The following ARHGEF4 variants were observed in gnomAD, a reference collection of about 807,000 sequenced individuals.
The protein encoded by ARHGEF4 is APC-stimulated guanine nucleotide exchange factor 1.
ARHGEF4 carries 119 observed loss-of-function variants against 162.0 expected under a neutral mutation model. The ratio of observed to expected loss-of-function variants is 0.73; its 90% CI spans 0.63 to 0.86. The LOEUF (loss-of-function observed/expected upper bound fraction) is 0.86. Ranked by LOEUF, ARHGEF4 falls within the 40% of genes least tolerant of loss-of-function variation. ARHGEF4 has a pLI of 0.00. For missense variants in ARHGEF4, 2,488 were observed against 2,456.0 expected (o/e 1.01, Z -0.28); for synonymous variants, 1,014 against 979.9 (o/e 1.03, Z -0.65).
chr2:131,043,692 G>T, intron 11 of ARHGEF4, 109 bp downstream of exon 11: 1 of 1,527,390 alleles, frequency 6.5e-7, no homozygotes. Context: ...ACCATACCCG[G>T]GGAGCCTGGC....
Position 131,046,286 on chromosome 2 carries a change from C to A in ARHGEF4, c.*97C>A. The A allele has an allele frequency of 2.3e-6, 3 of 1,300,360 alleles. No homozygotes were observed. Among genetic ancestry groups the A allele is most frequent in the Non-Finnish European group, 3.2e-6 (3 of 943,580 alleles). The allele number at this position is 1,300,360 out of a possible 1,614,324, so 80.6% of individuals were successfully genotyped here. The stretch of plus-strand genomic sequence containing the variant: ...ACTCGGCCTGGCCTTCCTCTGCCTG[C>A]AAGTGAGCAGGGATGGGCTGGGGAG... On this transcript the variant is annotated 3_prime_UTR_variant, in exon 14 of 14. Transcript: ENST00000409359.
At chr2:130,869,349 C>T (rs931754385) in intron 1 of ARHGEF4, among the ~76,000 whole-genome samples, 3 of 152,078 alleles carry the variant, frequency 2.0e-5, no homozygotes, top group Admixed American at 1.3e-4. Context: ...AACTTGGAGC[C>T]GGATAGATGT....
chr2:130,958,437 T>G (rs1340209310), intron 4 of ARHGEF4, among the ~76,000 whole-genome samples: 2 of 151,532 alleles, frequency 1.3e-5, no homozygotes, highest in African/African-American at 4.9e-5. Context: ...GGCAACGCAG[T>G]CTTGCTCTGT....
At chr2:130,971,656 A>AG (rs1030133071) in intron 4 of ARHGEF4, among the ~76,000 whole-genome samples, 2 of 7,284 alleles carry the variant, frequency 2.7e-4, no homozygotes, top group Non-Finnish European at 1.1e-3. Context: ...AGACTGTCTC[A>AG]AAAAAAAAAA....
chr2:131,015,883 C>A (rs577150049), intron 4 of ARHGEF4, among the ~76,000 whole-genome samples: 2 of 152,314 alleles, frequency 1.3e-5, no homozygotes, highest in South Asian at 4.1e-4. Flanking sequence ...TTGTTCATGT[C>A]GCAAGGATGA....
intron 4 of ARHGEF4, among the ~76,000 whole-genome samples, chr2:130,975,558 C>T (rs1214003352): frequency 6.6e-6 from 1 of 152,198 alleles, no homozygotes; most frequent in East Asian, 1.9e-4. Context: ...CCCCACTTTG[C>T]CTTGCCTTTC....
Position 131,041,431 on chromosome 2 carries a change from G to A in ARHGEF4, c.4864G>A (p.Glu1622Lys), listed in dbSNP as rs147815683. 4 of 1,612,886 alleles carry A rather than the reference G, an allele frequency of 2.5e-6. No homozygotes were observed. Among genetic ancestry groups the A allele is most frequent in the African/African-American group, 2.7e-5 (2 of 74,928 alleles). The change falls in exon 9 of 14, where the codon GAG becomes AAG. Residue 1622 changes from glutamate to lysine, a missense_variant. Physicochemically the swap from Glu to Lys is moderately conservative, Grantham distance 56. This residue lies in a region of ARHGEF4 where 415 missense variants were observed against 512.4 expected (regional missense o/e 0.81). Coordinates refer to ENST00000409359, the MANE Select transcript of ARHGEF4 (RefSeq NM_001367493.1). ...CTGCAAGTACCCTCTGCAGCTGGCC[G>A]AGCTGCTCAAATACACGCACCCCCA... ...KICKYPLQLA[E>K]LLKYTHPQHR...
At chr2:131,042,100 G>A (rs947198820) in intron 10 of ARHGEF4, among the ~76,000 whole-genome samples, 156 bp downstream of exon 10, 4 of 152,250 alleles carry the variant, frequency 2.6e-5, no homozygotes, top group East Asian at 1.9e-4. Flanking sequence ...TGTCCCCAGC[G>A]TGGGCTCTGG....
chr2:131,018,268 T>C (rs1264839838), intron 4 of ARHGEF4, among the ~76,000 whole-genome samples: 1 of 152,250 alleles, frequency 6.6e-6, no homozygotes, highest in Non-Finnish European at 1.5e-5. Flanking sequence ...GTTTTTGTAA[T>C]GACCATACTA....
Position 130,915,050 on chromosome 2 carries a change from A to G in ARHGEF4, c.1104A>G (p.Lys368=), listed in dbSNP as rs761381475. 9.7e-6 allele frequency: 15 copies of G among 1,550,718 alleles called. 2 individuals are homozygous for G. In the South Asian group the frequency reaches 1.8e-4, roughly 18 times the overall value. ...GGACCCATGTGAAGGAAGGGGCCAA[A>G]AATGAACGAGATCCAAGAATACAAA... ...KSGTHVKEGA[K]NERDPRIQNI... The change falls in exon 2 of 14, where the codon AAA becomes AAG. Residue 368 remains lysine, a synonymous_variant. Coordinates refer to ENST00000409359, the MANE Select transcript of ARHGEF4 (RefSeq NM_001367493.1).
intron 4 of ARHGEF4, among the ~76,000 whole-genome samples, chr2:130,960,414 C>T (rs1478699328): frequency 1.3e-5 from 2 of 152,160 alleles, no homozygotes; most frequent in Non-Finnish European, 1.5e-5. Flanking sequence ...CAGTAACATG[C>T]TGTACAGGTT....
intron 4 of ARHGEF4, among the ~76,000 whole-genome samples, chr2:131,009,165 A>T (rs1558845190): frequency 6.6e-6 from 1 of 152,206 alleles, no homozygotes; most frequent in East Asian, 1.9e-4. Context: ...GTGGGTCACC[A>T]CCAGGGACAC....
intron 1 of ARHGEF4, among the ~76,000 whole-genome samples, chr2:130,905,240 A>G (rs1680750399): frequency 6.6e-6 from 1 of 152,018 alleles, no homozygotes; most frequent in Non-Finnish European, 1.5e-5. Context: ...ATGGCTGTTT[A>G]ATTTTCCATT....
chr2:130,837,571 T>G (rs1341256864), intron 1 of ARHGEF4: 1 of 445,120 alleles, frequency 2.2e-6, no homozygotes, highest in Non-Finnish European at 4.5e-6. Context: ...CCGGGCCCGC[T>G]CACCATCCGG....
chr2:130,873,048 G>C (rs754546168), intron 1 of ARHGEF4, among the ~76,000 whole-genome samples: 1 of 152,228 alleles, frequency 6.6e-6, no homozygotes, highest in Non-Finnish European at 1.5e-5. Context: ...GTGGGCACTC[G>C]TGCTCTTTTG....
At chr2:130,856,041 G>A (rs545559986) in intron 1 of ARHGEF4, among the ~76,000 whole-genome samples, 96 of 152,206 alleles carry the variant, frequency 6.3e-4, no homozygotes, top group Middle Eastern at 3.4e-3. Flanking sequence ...TTTTTGAAGG[G>A]GTGTCATTGG....
chr2:130,841,702 C>T (rs905379847), intron 1 of ARHGEF4, among the ~76,000 whole-genome samples: 4 of 152,196 alleles, frequency 2.6e-5, no homozygotes, highest in African/African-American at 2.4e-5. Flanking sequence ...TTGGTGCTTC[C>T]GGCTGGGGCA....
In ARHGEF4 at chr2:130,854,943, G is replaced by A. The variant is rs201549868; in HGVS notation, c.39+17951G>A. Among the ~76,000 whole-genome samples the A allele has an allele frequency of 4.6e-5, 7 of 151,630 alleles. No individual in the cohort carries two copies. The East Asian group carries it at 7.8e-4, about 17-fold the overall frequency. ...GGCTGGAGTGCAGTGGCGCAATCTC[G>A]GCTCACTGCAAGTTCTGCCTCCTGG... On this transcript the variant is annotated intron_variant, in intron 1 of 13. Coordinates refer to ENST00000409359, the MANE Select transcript of ARHGEF4 (RefSeq NM_001367493.1).
chr2:130,976,278 C>T (rs563161423), intron 4 of ARHGEF4, among the ~76,000 whole-genome samples: 3 of 152,112 alleles, frequency 2.0e-5, no homozygotes, highest in South Asian at 2.1e-4. Flanking sequence ...ATCGCAGAGC[C>T]TAGGACGTTC....
Sources: allele counts gnomAD v4.1 joint callset (sites outside exome capture counted in the v4.1 genomes callset), GRCh38; gene constraint gnomAD v4.1.1; regional missense constraint gnomAD v4.1.1; transcripts MANE v1.5; gene names NCBI Gene and HGNC (gene_info 2026-07-23, HGNC 2026-07-21).